Variants in OPCML observed in about 807,000 individuals in gnomAD.
The protein encoded by OPCML is opioid-binding protein/cell adhesion molecule.
Under a neutral mutation model 37.8 loss-of-function variants are expected in OPCML, and 13 were observed. That is an observed-to-expected ratio of 0.34 (90% CI 0.22 to 0.55). The LOEUF (loss-of-function observed/expected upper bound fraction) is 0.55, where lower values mean the gene tolerates loss of function less well. Among genes scored for constraint, OPCML ranks in the 20% least tolerant of loss-of-function variants. The pLI, the probability that OPCML is intolerant of heterozygous loss-of-function variation, is 0.91. For missense variants in OPCML, 341 were observed against 435.6 expected, an observed-to-expected ratio of 0.78 and a Z score of 1.93; for synonymous variants, 176 against 168.8, an observed-to-expected ratio of 1.04 and a Z score of -0.33.
intron 1 of OPCML, among the ~76,000 whole-genome samples, chr11:133,260,607 AG>A (rs2136455222): frequency 6.6e-6 from 1 of 152,296 alleles, no homozygotes; most frequent in Admixed American, 6.5e-5. Context: ...AGGACCTGGC[AG>A]GCTTTGGATT....
chr11:132,603,873 C>A (rs911135179), intron 3 of OPCML, among the ~76,000 whole-genome samples: 1 of 152,148 alleles, frequency 6.6e-6, no homozygotes, highest in African/African-American at 2.4e-5. Context: ...TAGCAATGAT[C>A]TTGTATCCTA....
intron 1 of OPCML, among the ~76,000 whole-genome samples, chr11:133,108,894 G>A (rs1425810348): frequency 3.3e-5 from 5 of 152,150 alleles, no homozygotes; most frequent in Non-Finnish European, 5.9e-5. Flanking sequence ...CGCTGAATAC[G>A]TGTTTCCATA....
intron 1 of OPCML, among the ~76,000 whole-genome samples, chr11:133,147,268 T>A (rs1359903215): frequency 6.6e-6 from 1 of 151,960 alleles, no homozygotes; most frequent in Non-Finnish European, 1.5e-5. Context: ...TGCTGACCAC[T>A]CAGAAGGGGA....
At chr11:133,414,906 C>T (rs1945727588) in intron 1 of OPCML, among the ~76,000 whole-genome samples, 1 of 152,022 alleles carries the variant, frequency 6.6e-6, no homozygotes, top group African/African-American at 2.4e-5. Flanking sequence ...CAAGGAGTGA[C>T]ATCTGTTGCT....
At chr11:133,285,435 C>T (rs532372833) in intron 1 of OPCML, among the ~76,000 whole-genome samples, 2 of 152,238 alleles carry the variant, frequency 1.3e-5, no homozygotes, top group South Asian at 2.1e-4. Flanking sequence ...TTAGGAGACC[C>T]GTACGTGGGG....
chr11:132,494,632 C>G (rs2096225682), intron 4 of OPCML, among the ~76,000 whole-genome samples: 1 of 152,168 alleles, frequency 6.6e-6, no homozygotes. Flanking sequence ...AAAAAGAACT[C>G]TAGAATTTTT....
intron 1 of OPCML, among the ~76,000 whole-genome samples, chr11:133,043,705 C>T (rs759511839): frequency 6.6e-5 from 10 of 152,050 alleles, no homozygotes; most frequent in Non-Finnish European, 1.0e-4. Flanking sequence ...TGAGTGATTG[C>T]GTGCGGTTAC....
intron 1 of OPCML, among the ~76,000 whole-genome samples, chr11:133,183,479 G>A (rs993117150): frequency 2.0e-5 from 3 of 152,176 alleles, no homozygotes; most frequent in African/African-American, 7.2e-5. Flanking sequence ...TAGTATTACT[G>A]AATGACTGTC....
At chr11:133,289,100 C>T (rs1348076501) in intron 1 of OPCML, among the ~76,000 whole-genome samples, 5 of 152,050 alleles carry the variant, frequency 3.3e-5, no homozygotes, top group South Asian at 2.1e-4. Context: ...CAGAATTATC[C>T]GAGGATTAGA....
intron 2 of OPCML, among the ~76,000 whole-genome samples, chr11:132,870,413 T>C (rs1942750441): frequency 6.6e-6 from 1 of 152,158 alleles, no homozygotes; most frequent in South Asian, 2.1e-4. Context: ...TTGGTGGGGA[T>C]GTCAATTAGT....
At chr11:132,852,920 G>A (rs1165419100) in intron 2 of OPCML, among the ~76,000 whole-genome samples, 2 of 147,888 alleles carry the variant, frequency 1.4e-5, no homozygotes, top group Admixed American at 6.8e-5. Flanking sequence ...AAAAAAAAAA[G>A]AAGAAGATTT....
At chr11:132,963,239 G>A (rs1245203410) in intron 1 of OPCML, among the ~76,000 whole-genome samples, 1 of 151,856 alleles carries the variant, frequency 6.6e-6, no homozygotes, top group African/African-American at 2.4e-5. Flanking sequence ...ATGGCCCTCA[G>A]GTTCTGCTTG....
At chr11:132,524,163 T>C (rs909486212) in intron 4 of OPCML, among the ~76,000 whole-genome samples, 2 of 152,204 alleles carry the variant, frequency 1.3e-5, no homozygotes, top group African/African-American at 4.8e-5. Context: ...CCTGCAACTT[T>C]TTCACATTAC....
chr11:133,424,702 T>A (rs1331514565), intron 1 of OPCML, among the ~76,000 whole-genome samples: 5 of 152,248 alleles, frequency 3.3e-5, no homozygotes, highest in African/African-American at 9.6e-5. Context: ...GTGTCTTTGA[T>A]GATTCTGAAT....
chr11:133,323,764 G>C (rs1485967278), intron 1 of OPCML, among the ~76,000 whole-genome samples: 16 of 152,178 alleles, frequency 1.1e-4, no homozygotes, highest in Admixed American at 1.0e-3. Context: ...ACAAAATAAA[G>C]AACGGAGTGG....
intron 1 of OPCML, among the ~76,000 whole-genome samples, chr11:133,296,084 C>T (rs1461894833): frequency 6.6e-6 from 1 of 152,130 alleles, no homozygotes; most frequent in Non-Finnish European, 1.5e-5. Context: ...TAATAAAGAA[C>T]ATAACATAAA....
intron 1 of OPCML, among the ~76,000 whole-genome samples, chr11:133,052,218 G>A (rs1006050339): frequency 3.9e-5 from 6 of 152,118 alleles, no homozygotes; most frequent in African/African-American, 1.4e-4. Context: ...TAGTTAGGAC[G>A]AATAATGATG....
At chr11:132,642,058 T>C (rs995900423) in intron 3 of OPCML, among the ~76,000 whole-genome samples, 3 of 152,218 alleles carry the variant, frequency 2.0e-5, no homozygotes, top group African/African-American at 4.8e-5. Flanking sequence ...TAAGGGAAAT[T>C]CATTACCAAT....
At chr11:133,083,133 C>A (rs1363379706) in intron 1 of OPCML, among the ~76,000 whole-genome samples, 2 of 147,988 alleles carry the variant, frequency 1.4e-5, no homozygotes, top group Admixed American at 1.3e-4. Context: ...ACACACACCA[C>A]GCACACACAC....
Sources: gnomAD v4.1 joint callset for allele counts (sites outside exome capture counted in the v4.1 genomes callset) on GRCh38, gnomAD v4.1.1 for gene constraint, MANE v1.5 for transcripts, NCBI Gene and HGNC (gene_info 2026-07-23, HGNC 2026-07-21) for gene names.